TESK2: variants seen among roughly 807,000 people sequenced by gnomAD.
TESK2 encodes the protein testis associated actin remodelling kinase 2.
Under a neutral mutation model 57.1 loss-of-function variants are expected in TESK2, and 39 were observed. The ratio of observed to expected loss-of-function variants is 0.68; its 90% CI spans 0.53 to 0.89. The LOEUF is 0.89. TESK2 is among the 40% of genes least tolerant of loss of function. TESK2 has a pLI of 0.00. For missense variants in TESK2, 646 were observed against 732.1 expected (o/e 0.88, Z 1.36); for synonymous variants, 249 against 267.9 (o/e 0.93, Z 0.69).
intron 3 of TESK2, among the ~76,000 whole-genome samples, chr1:45,421,371 C>A (rs1650467531): frequency 6.6e-6 from 1 of 152,154 alleles, no homozygotes; most frequent in African/African-American, 2.4e-5. Flanking sequence ...GATTTAATTA[C>A]AATTTCCCAA....
chr1:45,394,648 GCT>G (rs1649282331), intron 3 of TESK2, among the ~76,000 whole-genome samples: 1 of 133,894 alleles, frequency 7.5e-6, no homozygotes, highest in Non-Finnish European at 1.6e-5. Flanking sequence ...GTTTATCACT[GCT>G]CTAAAGATAG....
intron 2 of TESK2, among the ~76,000 whole-genome samples, chr1:45,439,229 G>A (rs766124853): frequency 6.6e-6 from 1 of 152,130 alleles, no homozygotes; most frequent in Non-Finnish European, 1.5e-5. Flanking sequence ...ATGACAAACT[G>A]CATATGCACT....
chr1:45,372,367 C>G (rs1648224609), intron 4 of TESK2, among the ~76,000 whole-genome samples: 1 of 151,478 alleles, frequency 6.6e-6, no homozygotes, highest in South Asian at 2.1e-4. Context: ...CACCTGAGCT[C>G]AGGAGTTCAA....
rs542576265 is a variant in TESK2 at position 45,389,321 on chromosome 1, GAGGACCACTTGAGCCC to G, written c.345-3377_345-3362del. Reference sequence around the variant, plus strand: ...TCAGTTACTCAGGAGGCTGAGGTGGGAGGACCACTTGAGCCCAGGAAGTTGAGGCTGCAGTGAGCTG... The same window carrying G: ...TCAGTTACTCAGGAGGCTGAGGTGGGAGGAAGTTGAGGCTGCAGTGAGCTG... On this transcript the variant is annotated intron_variant, in intron 3 of 10. Transcript: ENST00000372086. Among the ~76,000 whole-genome samples, 388 of 152,256 alleles carry G rather than the reference GAGGACCACTTGAGCCC, an allele frequency of 2.5e-3. 3 individuals are homozygous for G. Among genetic ancestry groups the G allele is most frequent in the African/African-American group, 9.0e-3 (372 of 41,550 alleles).
intron 4 of TESK2, among the ~76,000 whole-genome samples, chr1:45,375,349 T>G (rs557738317): frequency 6.6e-6 from 1 of 151,726 alleles, no homozygotes; most frequent in East Asian, 1.9e-4. Context: ...GGCACACTTC[T>G]GCCTCCACGC....
intron 4 of TESK2, chr1:45,385,245 G>A: frequency 1.4e-6 from 1 of 693,144 alleles, no homozygotes; most frequent in Non-Finnish European, 1.8e-6. Flanking sequence ...CCAGGAATCT[G>A]TGTTTCCAAG....
At chr1:45,430,741 C>T (rs1057353991) in intron 2 of TESK2, among the ~76,000 whole-genome samples, 14 of 152,130 alleles carry the variant, frequency 9.2e-5, no homozygotes, top group African/African-American at 3.4e-4. Context: ...TCCTCTTTGG[C>T]GACATTTCAT....
intron 1 of TESK2, among the ~76,000 whole-genome samples, chr1:45,481,807 A>G (rs368769125): frequency 6.6e-6 from 1 of 152,244 alleles, no homozygotes; most frequent in Non-Finnish European, 1.5e-5. Context: ...TATAAGATAT[A>G]TACAAATCTA....
intron 2 of TESK2, among the ~76,000 whole-genome samples, chr1:45,452,090 T>C (rs1340346680): frequency 2.6e-5 from 4 of 151,498 alleles, no homozygotes; most frequent in Non-Finnish European, 4.4e-5. Context: ...CTATCTAATC[T>C]GGTTTTTTTT....
In TESK2 at chr1:45,343,987, A is replaced by T. The variant is rs1433701957; in HGVS notation, c.*853T>A. ...GTTATGAAAATATTTGACCAGCTTC[A>T]TCTTTGGTTATTTCTTATTGCAGCT... On this transcript the variant is annotated 3_prime_UTR_variant, in exon 11 of 11. Coordinates refer to ENST00000372086, the MANE Select transcript of TESK2 (RefSeq NM_007170.3). The surrounding 1 kb of genome is among the most constrained non-coding windows in gnomAD (Gnocchi z 4.3). 2 of 363,970 alleles carry T rather than the reference A, an allele frequency of 5.5e-6. No homozygotes were observed. The highest frequency in any genetic ancestry group is 2.0e-5 in the African/African-American group (1 of 48,850). 22.5% of individuals were successfully genotyped at this position (363,970 alleles called of 1,614,324 possible).
intron 2 of TESK2, among the ~76,000 whole-genome samples, chr1:45,424,983 C>T (rs1316424238): frequency 2.0e-5 from 3 of 152,152 alleles, no homozygotes; most frequent in Non-Finnish European, 4.4e-5. Flanking sequence ...GAAAGCCTTT[C>T]CTCTGGGATA....
intron 3 of TESK2, among the ~76,000 whole-genome samples, chr1:45,396,443 T>C (rs930128386): frequency 2.0e-5 from 3 of 152,050 alleles, no homozygotes; most frequent in Admixed American, 6.6e-5. Flanking sequence ...TGAGTACCTA[T>C]TATGTGCCAG....
chr1:45,355,278 AGTT>A lies in TESK2; in HGVS notation c.540+22_540+24del, dbSNP rs751848758. On this transcript the variant is annotated intron_variant, in intron 5 of 10. Transcript: ENST00000372086. ...AAGAGAAGGGTGGTATCTCTCAATG[AGTT>A]GTGAGAGTAAAGCCTTCATACCTTA... is the stretch of plus-strand genomic sequence containing the variant. The A allele has an allele frequency of 2.8e-5, 45 of 1,610,800 alleles. 1 individual carries two copies. The highest frequency in any genetic ancestry group is 3.7e-5 in the Non-Finnish European group (44 of 1,178,340).
chr1:45,402,792 T>A (rs1649681474), intron 3 of TESK2, among the ~76,000 whole-genome samples: 1 of 152,174 alleles, frequency 6.6e-6, no homozygotes, highest in Non-Finnish European at 1.5e-5. Flanking sequence ...TATTCTTTTT[T>A]AAAAAGTATG....
At chr1:45,452,456 A>G (rs949241820) in intron 2 of TESK2, among the ~76,000 whole-genome samples, 7 of 152,250 alleles carry the variant, frequency 4.6e-5, no homozygotes, top group African/African-American at 1.4e-4. Context: ...AGGTAAGAAC[A>G]TAAGTGAACA....
chr1:45,347,221 C>T (rs1327918046), intron 7 of TESK2, among the ~76,000 whole-genome samples, 159 bp from the exon 8 acceptor site: 4 of 152,020 alleles, frequency 2.6e-5, no homozygotes, highest in Non-Finnish European at 5.9e-5. Flanking sequence ...CTGCCAGGTA[C>T]CACCACTGCT....
chr1:45,416,277 G>A (rs559527186), intron 3 of TESK2, among the ~76,000 whole-genome samples: 19 of 149,924 alleles, frequency 1.3e-4, no homozygotes, highest in Non-Finnish European at 2.4e-4. Flanking sequence ...GAGAAAACAA[G>A]GTTTTCTCTA....
intron 2 of TESK2, among the ~76,000 whole-genome samples, chr1:45,426,020 C>T (rs1163412941): frequency 1.3e-5 from 2 of 151,912 alleles, no homozygotes; most frequent in African/African-American, 4.8e-5. Context: ...AGCGTGATGG[C>T]ATGCCCCTGT....
intron 2 of TESK2, among the ~76,000 whole-genome samples, chr1:45,437,967 T>C (rs1045087072): frequency 9.9e-5 from 15 of 152,182 alleles, no homozygotes; most frequent in Non-Finnish European, 2.1e-4. Context: ...GAGCATTTAA[T>C]TTTTGTTCCC....
Sources: allele counts gnomAD v4.1 joint callset (sites outside exome capture counted in the v4.1 genomes callset), GRCh38; gene constraint gnomAD v4.1.1; non-coding constraint Gnocchi (gnomAD v3.1); transcripts MANE v1.5; gene names NCBI Gene and HGNC (gene_info 2026-07-23, HGNC 2026-07-21).